The following RAP1GAP2 variants were observed in gnomAD, a reference collection of about 807,000 sequenced individuals.
RAP1GAP2 encodes rap1 GTPase-activating protein 2.
A neutral mutation model predicts 95.0 loss-of-function variants in RAP1GAP2; 27 were observed. That is an observed-to-expected ratio of 0.28 (90% CI 0.21 to 0.39). The LOEUF is 0.39. RAP1GAP2 is among the 10% of genes least tolerant of loss of function. The pLI, the probability that RAP1GAP2 is intolerant of heterozygous loss-of-function variation, is 1.00. For synonymous variants in RAP1GAP2, 373 were observed against 380.9 expected (o/e 0.98, Z 0.24); for missense variants, 771 against 970.0 (o/e 0.79, Z 2.72).
rs535586547 is a variant in RAP1GAP2, at chr17:2,787,019, C to G, written c.-14+9741C>G. On this transcript the variant is annotated intron_variant, in intron 1 of 24. Coordinates refer to the RAP1GAP2 transcript ENST00000540393. ...AGGCTGGTGCGCAGGGGCGCGATCT[C>G]TGCTCACTGCAACCTCCGCTTCCCG... Among the ~76,000 whole-genome samples the G allele has an allele frequency of 2.2e-5, 3 of 133,694 alleles. No individual in the cohort carries two copies. The East Asian group carries it at 7.2e-4, about 32-fold the overall frequency. The allele number at this position is 133,694 out of a possible 152,430, so 87.7% of individuals were successfully genotyped here.
At chr17:2,984,445 C>G (rs2045481950) in intron 10 of RAP1GAP2, among the ~76,000 whole-genome samples, 1 of 152,154 alleles carries the variant, frequency 6.6e-6, no homozygotes, top group Non-Finnish European at 1.5e-5. Flanking sequence ...TAGATAGAAC[C>G]AGGAGTCAGG....
chr17:2,863,698 C>T (rs151333439), intron 2 of RAP1GAP2, among the ~76,000 whole-genome samples: 1 of 152,222 alleles, frequency 6.6e-6, no homozygotes, highest in African/African-American at 2.4e-5. Context: ...CTTGTAAGAA[C>T]CCCATAAGGG....
At chr17:2,828,887 C>G (rs979819499) in intron 2 of RAP1GAP2, among the ~76,000 whole-genome samples, 1 of 151,562 alleles carries the variant, frequency 6.6e-6, no homozygotes, top group Non-Finnish European at 1.5e-5. Flanking sequence ...TCTTTGCTCT[C>G]TCCTTTTGCT....
At position 2,870,690 on chromosome 17, in the gene RAP1GAP2, C is replaced by T. The variant is rs928586443; in HGVS notation, c.81-34594C>T. 1.3e-5 allele frequency among the ~76,000 whole-genome samples: 2 copies of T among 152,120 alleles called. No homozygotes were observed. The highest frequency in any genetic ancestry group is 4.8e-5 in the African/African-American group (2 of 41,434). ...GCGGGATTATACTTTAGGTACAGTA[C>T]ATTAGTCAAGACCCTTGGTGGCAAG... On this transcript the variant is annotated intron_variant, in intron 2 of 24. Coordinates refer to ENST00000254695, the MANE Select transcript of RAP1GAP2 (RefSeq NM_015085.5). This position sits in a 1 kb window ranked among gnomAD's most constrained non-coding sequence, Gnocchi z 4.4.
At chr17:2,761,391 C>A (rs910464413) in intron 1 of RAP1GAP2, among the ~76,000 whole-genome samples, 1 of 151,258 alleles carries the variant, frequency 6.6e-6, no homozygotes, top group Admixed American at 6.6e-5. Context: ...CGGGTTCAAG[C>A]GATTCTCTTG....
intron 2 of RAP1GAP2, among the ~76,000 whole-genome samples, chr17:2,877,470 G>A (rs1484833261): frequency 6.6e-6 from 1 of 152,136 alleles, no homozygotes; most frequent in Admixed American, 6.6e-5. Flanking sequence ...CTGCCTGGCC[G>A]GGTGTGGTGG....
At chr17:2,878,240 C>G (rs1376978766) in intron 2 of RAP1GAP2, among the ~76,000 whole-genome samples, 1 of 151,962 alleles carries the variant, frequency 6.6e-6, no homozygotes, top group Non-Finnish European at 1.5e-5. Flanking sequence ...CCTTTAATTG[C>G]AAGAGAACCT....
chr17:2,891,806 TTTC>T (rs1192649926), intron 2 of RAP1GAP2, among the ~76,000 whole-genome samples: 1 of 137,812 alleles, frequency 7.3e-6, no homozygotes, highest in Non-Finnish European at 1.6e-5. Context: ...CAGATTCATA[TTTC>T]TTTTCTTTTT....
chr17:2,769,063 C>A (rs1433621608), intron 1 of RAP1GAP2, among the ~76,000 whole-genome samples: 1 of 151,258 alleles, frequency 6.6e-6, no homozygotes, highest in Non-Finnish European at 1.5e-5. Flanking sequence ...CCTGTCTCTA[C>A]AAAAAATTTA....
intron 2 of RAP1GAP2, among the ~76,000 whole-genome samples, chr17:2,880,384 C>G (rs2073241884): frequency 6.6e-6 from 1 of 150,624 alleles, no homozygotes; most frequent in South Asian, 2.1e-4. Context: ...TGGGTTTGAG[C>G]CACATGGTCA....
chr17:2,899,161 A>T (rs571068816), intron 2 of RAP1GAP2, among the ~76,000 whole-genome samples: 1 of 151,514 alleles, frequency 6.6e-6, no homozygotes, highest in Non-Finnish European at 1.5e-5. Flanking sequence ...TTTTCTTTCT[A>T]TTGTCTTTAT....
intron 1 of RAP1GAP2, among the ~76,000 whole-genome samples, chr17:2,778,031 T>TGGGAGGCGGGGAGGCG (rs1567640820): frequency 1.5e-5 from 2 of 130,926 alleles, no homozygotes; most frequent in African/African-American, 7.4e-5. Flanking sequence ...GCTGGGAGGC[T>TGGGAGGCGGGGAGGCG]GGGAGGCGGG....
intron 3 of RAP1GAP2, among the ~76,000 whole-genome samples, chr17:2,916,747 G>A (rs1203012381): frequency 1.3e-5 from 2 of 152,362 alleles, no homozygotes; most frequent in African/African-American, 2.4e-5. Context: ...TGACGATGGC[G>A]ATGGTGGCGA....
intron 2 of RAP1GAP2, among the ~76,000 whole-genome samples, chr17:2,835,907 C>G (rs1451591020): frequency 1.3e-5 from 2 of 152,182 alleles, no homozygotes; most frequent in Non-Finnish European, 2.9e-5. Context: ...AAGGGAGACA[C>G]TCCTGTTTTA....
At position 2,965,729 on chromosome 17, in the gene RAP1GAP2, T is replaced by TACCAGACTG; in HGVS notation, c.596+92_596+100dup. 1 of 1,007,242 alleles carries TACCAGACTG rather than the reference T, an allele frequency of 9.9e-7. No homozygotes were observed. Among genetic ancestry groups the TACCAGACTG allele is most frequent in the Non-Finnish European group, 1.5e-6 (1 of 660,290 alleles). 62.4% of individuals were successfully genotyped at this position (1,007,242 alleles called of 1,614,324 possible). On this transcript the variant is annotated intron_variant, in intron 8 of 24. Coordinates refer to ENST00000254695, the MANE Select transcript of RAP1GAP2 (RefSeq NM_015085.5). This position sits in a 1 kb window ranked among gnomAD's most constrained non-coding sequence, Gnocchi z 4.7. ...TGGGGGCTGGGATGGGACTCAGAAA[T>TACCAGACTG]ACCAGACTGACCAGTCTGGTCTGGG...
intron 2 of RAP1GAP2, among the ~76,000 whole-genome samples, chr17:2,822,438 A>G (rs2070343151): frequency 6.6e-6 from 1 of 151,958 alleles, no homozygotes; most frequent in African/African-American, 2.4e-5. Flanking sequence ...CCTGGGCAAC[A>G]TGGTGAAACC....
At chr17:2,946,696 A>G (rs1234050156) in intron 3 of RAP1GAP2, among the ~76,000 whole-genome samples, 7 of 152,116 alleles carry the variant, frequency 4.6e-5, no homozygotes, top group African/African-American at 1.7e-4. Flanking sequence ...TCACTTGGGA[A>G]CTTCTTAGAA....
intron 2 of RAP1GAP2, among the ~76,000 whole-genome samples, chr17:2,853,562 G>A (rs11653559): frequency 0.43 from 65,150 of 150,436 alleles, 14,156 homozygotes; most frequent in Middle Eastern, 0.49. Flanking sequence ...AGCCGGGCAG[G>A]GGGGTCCCGG....
At chr17:2,978,208 C>T (rs777347535) in intron 8 of RAP1GAP2, among the ~76,000 whole-genome samples, 1 of 152,072 alleles carries the variant, frequency 6.6e-6, no homozygotes, top group African/African-American at 2.4e-5. Context: ...TTTTTTCTTT[C>T]CTTATTAAGA....
Sources: allele counts gnomAD v4.1 joint callset (sites outside exome capture counted in the v4.1 genomes callset), GRCh38; gene constraint gnomAD v4.1.1; non-coding constraint Gnocchi (gnomAD v3.1); transcripts MANE v1.5; gene names NCBI Gene and HGNC (gene_info 2026-07-23, HGNC 2026-07-21).